The following NMNAT2 variants were observed in gnomAD, a reference collection of about 807,000 sequenced individuals.
NMNAT2 encodes the protein nicotinamide nucleotide adenylyltransferase 2, also known as nicotinamide/nicotinic acid mononucleotide adenylyltransferase 2.
NMNAT2 carries 11 observed loss-of-function variants against 41.6 expected under a neutral mutation model. The ratio of observed to expected loss-of-function variants is 0.26; its 90% CI spans 0.17 to 0.44. The LOEUF (loss-of-function observed/expected upper bound fraction) is 0.44, where lower values mean the gene tolerates loss of function less well. Among genes scored for constraint, NMNAT2 ranks in the 20% least tolerant of loss-of-function variants. NMNAT2 has a pLI of 1.00. For synonymous variants in NMNAT2, 148 were observed against 151.2 expected (o/e 0.98, Z 0.16); for missense variants, 288 against 407.7 (o/e 0.71, Z 2.53).
chr1:183,332,492 T>C (rs1330392058), intron 1 of NMNAT2, among the ~76,000 whole-genome samples: 3 of 152,170 alleles, frequency 2.0e-5, no homozygotes, highest in Non-Finnish European at 4.4e-5. Flanking sequence ...TCACATAGAC[T>C]GGAACCAAAG....
At chr1:183,389,752 GAA>G (rs879912743) in intron 1 of NMNAT2, among the ~76,000 whole-genome samples, 7,434 of 22,066 alleles carry the variant, frequency 0.34, 603 homozygotes, top group Middle Eastern at 0.45. Flanking sequence ...AAGAAAGAAA[GAA>G]AGAAAGAAAG....
intron 1 of NMNAT2, among the ~76,000 whole-genome samples, chr1:183,373,425 C>T (rs1462537030): frequency 6.6e-6 from 1 of 152,076 alleles, no homozygotes; most frequent in Non-Finnish European, 1.5e-5. Context: ...AGAAATATAA[C>T]AGGGTCTGAC....
chr1:183,293,592 T>C, intron 2 of NMNAT2, 113 bp downstream of exon 2: 1 of 794,834 alleles, frequency 1.3e-6, no homozygotes, highest in Non-Finnish European at 2.2e-6. Flanking sequence ...GCATTTTGTG[T>C]TTCCAGGAAT....
chr1:183,319,714 G>A (rs2102329527), intron 1 of NMNAT2, among the ~76,000 whole-genome samples: 1 of 151,996 alleles, frequency 6.6e-6, no homozygotes, highest in South Asian at 2.1e-4. Flanking sequence ...ACTATTCTAT[G>A]TGTCCTCAGC....
intron 1 of NMNAT2, among the ~76,000 whole-genome samples, chr1:183,405,587 C>T (rs10732975): frequency 0.65 from 98,367 of 152,112 alleles, 32,647 homozygotes; most frequent in East Asian, 0.89. Flanking sequence ...GGGAAGCGTC[C>T]ACCACATGGC....
At chr1:183,291,465 C>G (rs1475433519) in intron 3 of NMNAT2, among the ~76,000 whole-genome samples, 1 of 152,156 alleles carries the variant, frequency 6.6e-6, no homozygotes, top group African/African-American at 2.4e-5. Flanking sequence ...CAGTGTCAGG[C>G]GCCCCACCCC....
intron 1 of NMNAT2, among the ~76,000 whole-genome samples, chr1:183,389,630 G>A (rs899461862): frequency 2.6e-5 from 4 of 151,238 alleles, no homozygotes; most frequent in Non-Finnish European, 5.9e-5. Context: ...CAGCTACTTG[G>A]GAGGCTGAGG....
intron 1 of NMNAT2, among the ~76,000 whole-genome samples, chr1:183,377,664 C>T (rs1161690817): frequency 6.6e-6 from 1 of 152,136 alleles, no homozygotes; most frequent in Non-Finnish European, 1.5e-5. Context: ...GAAAAATATT[C>T]TCCTCATTAT....
intron 1 of NMNAT2, among the ~76,000 whole-genome samples, chr1:183,317,159 G>C (rs771256085): frequency 6.6e-6 from 1 of 152,278 alleles, no homozygotes; most frequent in Non-Finnish European, 1.5e-5. Context: ...CCTCAAAAGT[G>C]GCAGCCTCAG....
rs573925604 is a variant in NMNAT2, at chr1:183,386,559, C to T, written c.85+31624G>A. Among the ~76,000 whole-genome samples the T allele has an allele frequency of 2.6e-5, 4 of 152,158 alleles. No individual in the cohort carries two copies. The East Asian group carries it at 7.7e-4, about 29-fold the overall frequency. On this transcript the variant is annotated intron_variant, in intron 1 of 10. Transcript: ENST00000287713. ...TTTTGGAGAAATAACCTCACAATAG[C>T]AAGGGCTCGTCATTTTATATGAATT...
intron 1 of NMNAT2, among the ~76,000 whole-genome samples, chr1:183,342,922 TTA>T (rs1332683881): frequency 2.6e-5 from 4 of 151,442 alleles, no homozygotes; most frequent in African/African-American, 9.7e-5. Context: ...ATTATTATTA[TTA>T]TTATTTTTGT....
chr1:183,279,096 G>A (rs1661197425), intron 7 of NMNAT2, among the ~76,000 whole-genome samples: 1 of 152,178 alleles, frequency 6.6e-6, no homozygotes, highest in South Asian at 2.1e-4. Context: ...GGGAGGGGGT[G>A]TGAGGGGACA....
chr1:183,256,509 A>G (rs1353219237), intron 10 of NMNAT2, among the ~76,000 whole-genome samples: 1 of 152,236 alleles, frequency 6.6e-6, no homozygotes, highest in East Asian at 1.9e-4. Context: ...TTATCAAGAA[A>G]GGATGTTGAA....
intron 1 of NMNAT2, among the ~76,000 whole-genome samples, chr1:183,399,067 A>G (rs1158949987): frequency 6.6e-6 from 1 of 152,200 alleles, no homozygotes; most frequent in African/African-American, 2.4e-5. Context: ...AGATCAGAGC[A>G]GAACTGAAGG....
chr1:183,319,735 G>C (rs895948131), intron 1 of NMNAT2, among the ~76,000 whole-genome samples: 1 of 152,052 alleles, frequency 6.6e-6, no homozygotes, highest in Admixed American at 6.5e-5. Flanking sequence ...AGGGAAACCG[G>C]CAGGATATTC....
chr1:183,351,654 C>T (rs1663049034), intron 1 of NMNAT2, among the ~76,000 whole-genome samples: 1 of 152,154 alleles, frequency 6.6e-6, no homozygotes. Flanking sequence ...AAGGACTGAA[C>T]CTCTAGAAAA....
chr1:183,286,885 C>T, intron 4 of NMNAT2, 97 bp from the exon 5 acceptor site: 1 of 1,316,184 alleles, frequency 7.6e-7, no homozygotes, highest in Non-Finnish European at 1.0e-6. Flanking sequence ...CATGGAGAGG[C>T]CACCCAGAGC....
chr1:183,381,763 C>A (rs1237533756), intron 1 of NMNAT2, among the ~76,000 whole-genome samples: 1 of 152,148 alleles, frequency 6.6e-6, no homozygotes, highest in Non-Finnish European at 1.5e-5. Context: ...ATAACAGTTA[C>A]TCTGTGAGGC....
rs188058564 is a variant in NMNAT2, at chr1:183,397,411, T to C, written c.85+20772A>G. Among the ~76,000 whole-genome samples, 87 of 152,264 alleles carry C rather than the reference T, an allele frequency of 5.7e-4. 1 individual carries two copies. The highest frequency in any genetic ancestry group is 1.7e-3 in the African/African-American group (69 of 41,558). On this transcript the variant is annotated intron_variant, in intron 1 of 10. Transcript: ENST00000287713. The stretch of plus-strand genomic sequence containing the variant: ...AAAGCCTCCAAGCAATATAGGACTA[T>C]GTGAAAAGACCAAATCTATGTCTGA...
Sources: gnomAD v4.1 joint callset for allele counts (sites outside exome capture counted in the v4.1 genomes callset) on GRCh38, gnomAD v4.1.1 for gene constraint, MANE v1.5 for transcripts, NCBI Gene and HGNC (gene_info 2026-07-23, HGNC 2026-07-21) for gene names.